Variants in PAX4 observed in about 807,000 individuals in gnomAD.
The protein encoded by PAX4 is paired box 4.
PAX4 carries 33 observed loss-of-function variants against 40.6 expected under a neutral mutation model. The observed-to-expected ratio is 0.81, with a 90% CI of 0.62 to 1.09. PAX4 has a LOEUF of 1.09. PAX4 is among the 50% of genes least tolerant of loss of function. The probability of loss-of-function intolerance (pLI) is 0.00; values close to 1 mark genes in which losing one functional copy is unlikely to be tolerated. For missense variants in PAX4, 459 were observed against 442.5 expected, an observed-to-expected ratio of 1.04 and a Z score of -0.33; for synonymous variants, 174 against 170.6, an observed-to-expected ratio of 1.02 and a Z score of -0.16.
Position 127,613,805 on chromosome 7 carries a change from G to T in PAX4, c.513C>A (p.His171Gln). Residue 171 changes from histidine to glutamine, a missense_variant, in exon 7 of 12, where the codon CAC becomes CAA. By Grantham distance (24) the His-to-Gln change is conservative. Transcript: ENST00000639438. ...TPRGTHPGTG[H>Q]RNRTIFSPSQ... The stretch of plus-strand genomic sequence containing the variant: ...TTGGGGAGAAGATAGTCCGATTCCG[G>T]TGGCCGGTCCCTGGGTGGGTACCCC... The T allele has an allele frequency of 1.9e-6, 3 of 1,614,058 alleles. No homozygotes were observed. The highest frequency in any genetic ancestry group is 2.5e-6 in the Non-Finnish European group (3 of 1,180,014).
At position 127,610,939 on chromosome 7, in the gene PAX4, G is replaced by C. The variant is rs912642484; in HGVS notation, c.*125C>G. The stretch of plus-strand genomic sequence containing the variant: ...AGGCATCGAGGCAGGGCCAGGCAAC[G>C]TCCACACAGGAGGGAGCAATCACAG... On this transcript the variant is annotated 3_prime_UTR_variant, in exon 12 of 12. Coordinates refer to ENST00000639438, the MANE Select transcript of PAX4 (RefSeq NM_001366110.1). 2 of 1,549,512 alleles carry C rather than the reference G, an allele frequency of 1.3e-6. No individual in the cohort carries two copies. The highest frequency in any genetic ancestry group is 2.4e-5 in the South Asian group (2 of 84,062).
At position 127,615,924 on chromosome 7, in the gene PAX4, T is replaced by G. The variant is rs1460742577; in HGVS notation, c.5A>C (p.His2Pro). The change falls in exon 3 of 12, where the codon CAT (histidine) becomes CCT (proline). Residue 2 changes from histidine to proline, a missense_variant. Transcript: ENST00000639438. The part of the protein sequence containing the change: M[H>P]QDGISSMNQL... ...TCCCCCAGGCTCCTCACCGTCCTGA[T>G]GCATGCTCCAGGCTGACCCTCCTCA... 3 of 1,536,128 alleles carry G rather than the reference T, an allele frequency of 2.0e-6. No individual in the cohort carries two copies. The highest frequency in any genetic ancestry group is 2.0e-5 in the Admixed American group (1 of 51,004).
In PAX4 at chr7:127,615,148, A is replaced by T. The variant is rs547884547; in HGVS notation, c.145-53T>A. On this transcript the variant is annotated intron_variant, in intron 4 of 11. Transcript: ENST00000639438. The stretch of plus-strand genomic sequence containing the variant: ...TGAGGCATGATGGGCAGAAGGAAGG[A>T]GAGTGTCCCTGGGACAGGAGGAGGC... 3 of 1,613,550 alleles carry T rather than the reference A, an allele frequency of 1.9e-6. No individual in the cohort carries two copies. The African/African-American group carries it at 4.0e-5, about 22-fold the overall frequency.
At position 127,611,098 on chromosome 7, in the gene PAX4, C is replaced by T. The variant is rs2233584; in HGVS notation, c.1022G>A (p.Trp341Ter). The T allele has an allele frequency of 1.3e-4, 211 of 1,607,756 alleles. No homozygotes were observed. Among genetic ancestry groups the T allele is most frequent in the Admixed American group, 7.7e-4 (46 of 59,424 alleles). Residue 341 changes from tryptophan to a stop codon, truncating the protein, a stop_gained, in exon 12 of 12, where the codon TGG (tryptophan) becomes TAG (stop). Coordinates refer to ENST00000639438, the MANE Select transcript of PAX4 (RefSeq NM_001366110.1). LOFTEE classifies it low-confidence loss of function (END_TRUNC). ...ASLSGSQALL[W>*]PGCPLLYGLE ...GCCATACAGTAGTGGGCAGCCAGGC[C>T]AGAGCAGGGCCTGAGAGCCACTAAG...
Position 127,615,023 on chromosome 7 carries a change from C to T in PAX4, c.217G>A (p.Gly73Arg). The change falls in exon 5 of 12, where the codon GGG becomes AGG. Residue 73 changes from glycine (G) to arginine (R), a missense_variant. By Grantham distance (125) the Gly-to-Arg change is moderately radical. Transcript: ENST00000639438. Reference sequence around the variant, plus strand: ...GTAGCCAGCCGTGGCTTGCTTCCCCCAATGCCCTTTGGCTCCAAGACACCT... The same window carrying T: ...GTAGCCAGCCGTGGCTTGCTTCCCCTAATGCCCTTTGGCTCCAAGACACCT... ...RTGVLEPKGI[G>R]GSKPRLATPP... is the part of the protein sequence containing the mutation. 1 of 1,614,198 alleles carries T rather than the reference C, an allele frequency of 6.2e-7. No homozygotes were observed. Among genetic ancestry groups the T allele is most frequent in the Non-Finnish European group, 8.5e-7 (1 of 1,180,034 alleles).
intron 3 of PAX4, 87 bp from the exon 4 acceptor site, chr7:127,615,618 G>C (rs1587552315): frequency 6.2e-7 from 1 of 1,605,372 alleles, no homozygotes; most frequent in East Asian, 2.2e-5. Context: ...CCTCCAGCCT[G>C]GCTTCCCACC....
intron 6 of PAX4, 110 bp from the exon 7 acceptor site, chr7:127,613,991 C>A: frequency 7.7e-7 from 1 of 1,294,570 alleles, no homozygotes; most frequent in Non-Finnish European, 1.1e-6. Flanking sequence ...GGTAGAAGAG[C>A]AGAGCCAAGC....
chr7:127,614,851 C>T, intron 5 of PAX4, 29 bp downstream of exon 5: 1 of 1,609,152 alleles, frequency 6.2e-7, no homozygotes, highest in Non-Finnish European at 8.5e-7. Context: ...TCTTTTCCAG[C>T]CCCAGTGTGG....
intron 8 of PAX4, 107 bp downstream of exon 8, chr7:127,613,343 T>A: frequency 9.1e-7 from 1 of 1,099,970 alleles, no homozygotes. Context: ...CAAACAAATT[T>A]GCTTCCAATT....
intron 7 of PAX4, 45 bp from the exon 8 acceptor site, chr7:127,613,577 C>G: frequency 6.2e-7 from 1 of 1,601,480 alleles, no homozygotes; most frequent in Non-Finnish European, 8.6e-7. Flanking sequence ...GGGAGAGGAG[C>G]AAGGCATGGG....
Position 127,613,014 on chromosome 7 carries a change from G to A in PAX4, c.715+8C>T, listed in dbSNP as rs752575834. 1 of 1,610,540 alleles carries A rather than the reference G, an allele frequency of 6.2e-7. No individual in the cohort carries two copies. Among genetic ancestry groups the A allele is most frequent in the East Asian group, 2.2e-5 (1 of 44,874 alleles). On this transcript the variant is annotated splice_region_variant and intron_variant, in intron 9 of 11. Transcript: ENST00000639438. Reference sequence around the variant, plus strand: ...GCGGGCAGATGGATGATGGTGCAGAGAAATCACCTGGCAGCTGCATTTCCC... The same window carrying A: ...GCGGGCAGATGGATGATGGTGCAGAAAAATCACCTGGCAGCTGCATTTCCC...
intron 10 of PAX4, 88 bp from the exon 11 acceptor site, chr7:127,611,764 A>G: frequency 3.1e-6 from 5 of 1,602,142 alleles, no homozygotes; most frequent in Non-Finnish European, 3.4e-6. Context: ...CTGCCACCCA[A>G]GTAGTATCCT....
chr7:127,612,903 T>C (rs1794658153), intron 9 of PAX4, 119 bp downstream of exon 9: 1 of 762,622 alleles, frequency 1.3e-6, no homozygotes. Context: ...GATGGATACA[T>C]GGGTGGATGG....
intron 4 of PAX4, 134 bp from the exon 5 acceptor site, chr7:127,615,229 C>A: frequency 6.3e-7 from 1 of 1,593,984 alleles, no homozygotes; most frequent in East Asian, 2.3e-5. Flanking sequence ...AGTCCAGCCT[C>A]ACCTTTGAGG....
chr7:127,611,462 A>T, intron 11 of PAX4, 73 bp downstream of exon 11: 1 of 1,608,640 alleles, frequency 6.2e-7, no homozygotes, highest in South Asian at 1.1e-5. Flanking sequence ...ATGGAGATCC[A>T]TGCCCTCCTG....
Position 127,610,425 on chromosome 7 carries a change from A to T in PAX4, c.*639T>A, listed in dbSNP as rs1794599036. 1 of 159,462 alleles carries T rather than the reference A, an allele frequency of 6.3e-6. No homozygotes were observed. Among genetic ancestry groups the T allele is most frequent in the African/African-American group, 2.4e-5 (1 of 41,614 alleles). 9.9% of individuals were successfully genotyped at this position (159,462 alleles called of 1,614,324 possible). ...CAAAAATACATAATTTTCTTAGATT[A>T]AGAAGTTACAGTAAATTTTCTTAGA... On this transcript the variant is annotated 3_prime_UTR_variant, in exon 12 of 12. Transcript: ENST00000639438.
rs1794617434 is a variant in PAX4 at position 127,611,113 on chromosome 7, G to A, written c.1007C>T (p.Ser336Phe). The change falls in exon 12 of 12, where the codon TCT (serine) becomes TTT (phenylalanine). Residue 336 changes from serine to phenylalanine, a missense_variant. Transcript: ENST00000639438. ...GCAGCCAGGCCAGAGCAGGGCCTGA[G>A]AGCCACTAAGACTGGCCAGGTGACA... ...SHCHLASLSG[S>F]QALLWPGCPL... 1 of 1,607,994 alleles carries A rather than the reference G, an allele frequency of 6.2e-7. No homozygotes were observed.
In PAX4 at chr7:127,612,365, G is replaced by A. The variant is rs151108202; in HGVS notation, c.716-365C>T. 3.7e-3 allele frequency among the ~76,000 whole-genome samples: 563 copies of A among 152,026 alleles called. 2 individuals carry two copies. Among genetic ancestry groups the A allele is most frequent in the South Asian group, 0.014 (65 of 4,800 alleles). On this transcript the variant is annotated intron_variant, in intron 9 of 11. Transcript: ENST00000639438. ...TGGAAAGATGGATGGATGGATGGAT[G>A]CATGGGTGCATGGGTGGCTGGATGG...
rs1469291019 is a variant in PAX4 at position 127,610,673 on chromosome 7, A to G, written c.*391T>C. The G allele has an allele frequency of 1.7e-6, 1 of 602,082 alleles. No homozygotes were observed. The highest frequency in any genetic ancestry group is 3.0e-6 in the Non-Finnish European group (1 of 338,732). 37.3% of individuals were successfully genotyped at this position (602,082 alleles called of 1,614,324 possible). ...CATTGTTTAGATACATGTATTGCCT[A>G]CATACATGCATAGATTAGATGGTAG... On this transcript the variant is annotated 3_prime_UTR_variant, in exon 12 of 12. Transcript: ENST00000639438.
Sources: allele counts gnomAD v4.1 joint callset (sites outside exome capture counted in the v4.1 genomes callset), GRCh38; gene constraint gnomAD v4.1.1; transcripts MANE v1.5; gene names NCBI Gene and HGNC (gene_info 2026-07-23, HGNC 2026-07-21).